The following FBN3 variants were observed in gnomAD, a reference collection of about 807,000 sequenced individuals.
FBN3 encodes fibrillin 3.
A neutral mutation model predicts 330.1 loss-of-function variants in FBN3; 234 were observed. That is an observed-to-expected ratio of 0.71 (90% confidence interval 0.64 to 0.79). The LOEUF (loss-of-function observed/expected upper bound fraction) is 0.79. Ranked by LOEUF, FBN3 falls within the 30% of genes least tolerant of loss-of-function variation. FBN3 has a pLI of 0.00. For synonymous variants in FBN3, 1,458 were observed against 1,517.3 expected (o/e 0.96, Z 0.91); for missense variants, 3,606 against 3,886.9 (o/e 0.93, Z 1.92).
intron 39 of FBN3, 117 bp downstream of exon 39, chr19:8,103,445 A>G: frequency 9.5e-7 from 1 of 1,055,084 alleles, no homozygotes; most frequent in Non-Finnish European, 1.4e-6. Context: ...GCCACATGTC[A>G]GCACTTCATA....
intron 34 of FBN3, among the ~76,000 whole-genome samples, chr19:8,110,501 C>A (rs1164109763): frequency 6.6e-6 from 1 of 152,196 alleles, no homozygotes; most frequent in Non-Finnish European, 1.5e-5. Context: ...TTGCTTGTGG[C>A]TGCTTTTGAG....
chr19:8,135,851 C>T (rs935772987), intron 13 of FBN3, 110 bp downstream of exon 13: 6 of 1,239,742 alleles, frequency 4.8e-6, no homozygotes, highest in Middle Eastern at 2.7e-4. Context: ...GCAGAGGAGA[C>T]GTCGTAGGGA....
chr19:8,143,631 G>A (rs1213200148), intron 6 of FBN3, among the ~76,000 whole-genome samples: 5 of 151,422 alleles, frequency 3.3e-5, no homozygotes, highest in African/African-American at 1.2e-4. Context: ...GGGACTACAG[G>A]CACGCGCTAC....
At chr19:8,138,081 C>G in intron 10 of FBN3, 60 bp downstream of exon 10, 1 of 1,495,394 alleles carries the variant, frequency 6.7e-7, no homozygotes, top group South Asian at 1.4e-5. Context: ...GGAGCTCTCT[C>G]CCCAGATCCA....
At chr19:8,135,934 C>CAGGGGGGG in intron 13 of FBN3, 27 bp downstream of exon 13, 2 of 1,284,382 alleles carry the variant, frequency 1.6e-6, no homozygotes, top group Non-Finnish European at 2.1e-6. Context: ...CCGGAAGCCC[C>CAGGGGGGG]TGCCCACCCG....
chr19:8,103,642 G>A lies in FBN3; in HGVS notation c.4859C>T (p.Thr1620Ile). The change falls in exon 39 of 64, where the codon ACC becomes ATC. Residue 1620 changes from threonine (T) to isoleucine (I), a missense_variant. Physicochemically the swap from Thr to Ile is moderately conservative, Grantham distance 89 (BLOSUM62 -1). Coordinates refer to ENST00000600128, the MANE Select transcript of FBN3 (RefSeq NM_032447.5). ...GTAGTTCCCCAGGGTGTTGTAGCAGGTGCCAGGGCCACAGATGCCGGAGTG... is the reference window on the plus strand; with the variant it reads ...GTAGTTCCCCAGGGTGTTGTAGCAGATGCCAGGGCCACAGATGCCGGAGTG... ...STHSGICGPG[T>I]CYNTLGNYTC... is the part of the protein sequence containing the mutation. 1 of 1,613,722 alleles carries A rather than the reference G, an allele frequency of 6.2e-7. No individual in the cohort carries two copies. Among genetic ancestry groups the A allele is most frequent in the South Asian group, 1.1e-5 (1 of 91,076 alleles).
rs549649230 is a variant in FBN3 at position 8,117,087 on chromosome 19, G to C, written c.3586+82C>G. On this transcript the variant is annotated intron_variant, in intron 28 of 63. Coordinates refer to ENST00000600128, the MANE Select transcript of FBN3 (RefSeq NM_032447.5). ...GGCTGGCTTCACTATGCTGTGCTGG[G>C]CTCTGGGCCAGTGCAGGACCCAGCC... 81 of 1,569,888 alleles carry C rather than the reference G, an allele frequency of 5.2e-5. No individual in the cohort carries two copies. The South Asian group carries it at 8.7e-4, about 17-fold the overall frequency.
chr19:8,083,626 C>G (rs995628076), intron 56 of FBN3, among the ~76,000 whole-genome samples: 5 of 151,554 alleles, frequency 3.3e-5, no homozygotes, highest in Admixed American at 1.3e-4. Flanking sequence ...ACAGCGACAC[C>G]TCCTCAGTGC....
At chr19:8,130,928 G>T (rs2083131868) in intron 16 of FBN3, among the ~76,000 whole-genome samples, 1 of 151,906 alleles carries the variant, frequency 6.6e-6, no homozygotes, top group Non-Finnish European at 1.5e-5. Flanking sequence ...TGGAGGCAGA[G>T]ATGGGGTGAC....
chr19:8,115,947 G>T (rs943930092), intron 29 of FBN3, among the ~76,000 whole-genome samples: 17 of 151,926 alleles, frequency 1.1e-4, no homozygotes, highest in African/African-American at 3.6e-4. Context: ...GCTAACCAGG[G>T]TTTCCTCCTG....
rs367900131 is a variant in FBN3 at position 8,075,173 on chromosome 19, C to T, written c.7600G>A (p.Gly2534Arg). Residue 2534 changes from glycine (G) to arginine (R), a missense_variant, in exon 61 of 64, where the codon GGG becomes AGG. By Grantham distance (125) the Gly-to-Arg change is moderately radical (BLOSUM62 -2). Transcript: ENST00000600128. ...HGCEDVNECD[G>R]PHRCQHGCQN... is the part of the protein sequence containing the mutation. Reference sequence around the variant, plus strand: ...CAGCCATGCTGGCAGCGGTGGGGCCCATCACATTCATTCACATCTGAGACA... The same window carrying T: ...CAGCCATGCTGGCAGCGGTGGGGCCTATCACATTCATTCACATCTGAGACA... 5 of 1,568,010 alleles carry T rather than the reference C, an allele frequency of 3.2e-6. 1 individual carries two copies. The highest frequency in any genetic ancestry group is 3.7e-5 in the Admixed American group (2 of 54,580).
chr19:8,147,286 G>T (rs572457546), intron 2 of FBN3, 28 bp downstream of exon 2: 1 of 1,580,366 alleles, frequency 6.3e-7, no homozygotes, highest in Admixed American at 1.8e-5. Context: ...CACCGAAGGG[G>T]TCTCCCAGCA....
At chr19:8,147,258 C>T in intron 2 of FBN3, 56 bp downstream of exon 2, 1 of 1,563,992 alleles carries the variant, frequency 6.4e-7, no homozygotes, top group Non-Finnish European at 8.7e-7. Context: ...TCCGCTGGCC[C>T]CAGGACAGCC....
chr19:8,096,239 G>T lies in FBN3; in HGVS notation c.5540-159C>A, dbSNP rs1302810981. Among the ~76,000 whole-genome samples, 1 of 152,120 alleles carries T rather than the reference G, an allele frequency of 6.6e-6. No homozygotes were observed. The highest frequency in any genetic ancestry group is 2.4e-5 in the African/African-American group (1 of 41,408). On this transcript the variant is annotated intron_variant, in intron 44 of 63. Coordinates refer to ENST00000600128, the MANE Select transcript of FBN3 (RefSeq NM_032447.5). The surrounding 1 kb of genome is among the most constrained non-coding windows in gnomAD (Gnocchi z 4.6). ...GCGGTGATGGCTGGGAAGTACTCCT[G>T]GTATGATATATCACCCCCATTTTAC...
rs186394491 is a variant in FBN3 at position 8,119,862 on chromosome 19, C to G, written c.3212-840G>C. On this transcript the variant is annotated intron_variant, in intron 25 of 63. Transcript: ENST00000600128. ...TTGAGACAGATTTTCACACTGTTAC[C>G]CAGCCTGGAGTGCAGTGACACGATC... Among the ~76,000 whole-genome samples, 396 of 145,072 alleles carry G rather than the reference C, an allele frequency of 2.7e-3. 2 individuals are homozygous for G. The highest frequency in any genetic ancestry group is 4.6e-3 in the Non-Finnish European group (304 of 66,670).
intron 20 of FBN3, 41 bp from the exon 21 acceptor site, chr19:8,126,388 C>T: frequency 1.3e-6 from 2 of 1,583,710 alleles, no homozygotes; most frequent in Non-Finnish European, 1.7e-6. Context: ...GAGTCATTTT[C>T]TCATGCCAGC....
Position 8,131,512 on chromosome 19 carries a change from C to CAG in FBN3, c.1990+40_1990+41dup. The CAG allele has an allele frequency of 1.3e-6, 2 of 1,568,914 alleles. No individual in the cohort carries two copies. The highest frequency in any genetic ancestry group is 2.7e-5 in the African/African-American group (2 of 74,228). On this transcript the variant is annotated intron_variant, in intron 15 of 63. Coordinates refer to ENST00000600128, the MANE Select transcript of FBN3 (RefSeq NM_032447.5). The surrounding 1 kb of genome is among the most constrained non-coding windows in gnomAD (Gnocchi z 4.5). The stretch of plus-strand genomic sequence containing the variant: ...AGAAGCGAGAACCGATGGAGGCATT[C>CAG]AGACCAAGGAGGCGATGGGGACCGG...
At position 8,109,422 on chromosome 19, in the gene FBN3, C is replaced by T. The variant is rs1279504041; in HGVS notation, c.4457-34G>A. 1 of 1,613,008 alleles carries T rather than the reference C, an allele frequency of 6.2e-7. No homozygotes were observed. ...GCAGAAGGGGATGGTTAGTAGGTGTCAGAGGGAAAGCTGTATGTGTGCGTG... is the reference window on the plus strand; with the variant it reads ...GCAGAAGGGGATGGTTAGTAGGTGTTAGAGGGAAAGCTGTATGTGTGCGTG... On this transcript the variant is annotated intron_variant, in intron 35 of 63. Transcript: ENST00000600128. The surrounding 1 kb of genome is among the most constrained non-coding windows in gnomAD (Gnocchi z 5.2).
chr19:8,117,965 C>T (rs910588597), intron 26 of FBN3, among the ~76,000 whole-genome samples: 1 of 152,040 alleles, frequency 6.6e-6, no homozygotes, highest in Non-Finnish European at 1.5e-5. Flanking sequence ...AATACACTCA[C>T]CCATGTGTAA....
Sources: gnomAD v4.1 joint callset for allele counts (sites outside exome capture counted in the v4.1 genomes callset) on GRCh38, gnomAD v4.1.1 for gene constraint, Gnocchi (gnomAD v3.1) non-coding constraint, MANE v1.5 for transcripts, NCBI Gene and HGNC (gene_info 2026-07-23, HGNC 2026-07-21) for gene names.